The following CELF4 variants were observed in gnomAD, a reference collection of about 807,000 sequenced individuals.
The protein encoded by CELF4 is CUGBP Elav-like family member 4, also known as CUG-BP- and ETR-3-like factor 4.
Under a neutral mutation model 59.9 loss-of-function variants are expected in CELF4, and 18 were observed. The ratio of observed to expected loss-of-function variants is 0.30; its 90% CI spans 0.21 to 0.45. The LOEUF is 0.45. Ranked by LOEUF, CELF4 falls within the 20% of genes least tolerant of loss-of-function variation. The pLI is 1.00. For missense variants in CELF4, 456 were observed against 689.0 expected, an observed-to-expected ratio of 0.66 and a Z score of 3.79; for synonymous variants, 261 against 267.1, an observed-to-expected ratio of 0.98 and a Z score of 0.22.
chr18:37,287,498 C>T (rs765339029), intron 3 of CELF4, among the ~76,000 whole-genome samples: 7 of 152,218 alleles, frequency 4.6e-5, no homozygotes, highest in South Asian at 2.1e-4. Flanking sequence ...GGTCAGCACG[C>T]GGCTTAGCCC....
intron 1 of CELF4, among the ~76,000 whole-genome samples, chr18:37,538,409 C>T (rs928628893): frequency 1.3e-5 from 2 of 152,158 alleles, no homozygotes; most frequent in Non-Finnish European, 2.9e-5. Flanking sequence ...AATCCTCTCC[C>T]GAGCCGTCTT....
chr18:37,269,124 T>C (rs2089866128), intron 8 of CELF4, among the ~76,000 whole-genome samples: 1 of 152,102 alleles, frequency 6.6e-6, no homozygotes, highest in East Asian at 1.9e-4. Context: ...TCCCAGCCCA[T>C]GAGCCTTAGA....
chr18:37,366,433 A>AT (rs2098783977), intron 2 of CELF4, among the ~76,000 whole-genome samples: 2 of 151,942 alleles, frequency 1.3e-5, no homozygotes, highest in South Asian at 4.1e-4. Context: ...CTCCTATTCC[A>AT]TTTTTGCAAG....
At chr18:37,291,199 G>A (rs910272430) in intron 3 of CELF4, among the ~76,000 whole-genome samples, 10 of 152,124 alleles carry the variant, frequency 6.6e-5, no homozygotes, top group East Asian at 1.9e-4. Context: ...ATGAGCCACC[G>A]TGCCTGGCAA....
At chr18:37,276,753 G>A (rs1427878482) in intron 3 of CELF4, among the ~76,000 whole-genome samples, 1 of 152,198 alleles carries the variant, frequency 6.6e-6, no homozygotes, top group Admixed American at 6.5e-5. Context: ...ACACCACTCA[G>A]TTTCGGGCTA....
intron 2 of CELF4, among the ~76,000 whole-genome samples, chr18:37,408,496 G>GAGC (rs869309994): frequency 5.0e-4 from 9 of 18,040 alleles, no homozygotes; most frequent in South Asian, 0.013. Flanking sequence ...TGGTGCCGGG[G>GAGC]GGGGGCGCGG....
At chr18:37,375,603 G>A (rs633849) in intron 2 of CELF4, among the ~76,000 whole-genome samples, 3,454 of 152,244 alleles carry the variant, frequency 0.023, 120 homozygotes, top group African/African-American at 0.078. Flanking sequence ...ACTGCAGAGA[G>A]GGAAACTGAG....
At chr18:37,464,398 T>A (rs2099802237) in intron 2 of CELF4, among the ~76,000 whole-genome samples, 1 of 152,186 alleles carries the variant, frequency 6.6e-6, no homozygotes, top group African/African-American at 2.4e-5. Flanking sequence ...CTCCCATCGA[T>A]GCCTAGCCTC....
chr18:37,528,007 T>A (rs1055278087), intron 1 of CELF4, among the ~76,000 whole-genome samples: 7 of 152,190 alleles, frequency 4.6e-5, no homozygotes, highest in Non-Finnish European at 7.3e-5. Flanking sequence ...TGGTAGATAC[T>A]TAAAATCACA....
chr18:37,492,556 A>G (rs2099909443), intron 1 of CELF4, among the ~76,000 whole-genome samples: 1 of 152,122 alleles, frequency 6.6e-6, no homozygotes, highest in South Asian at 2.1e-4. Flanking sequence ...GTGGGCAAAG[A>G]CAGTCTTCCT....
intron 2 of CELF4, among the ~76,000 whole-genome samples, chr18:37,427,050 A>T (rs1211210538): frequency 1.5e-5 from 2 of 129,118 alleles, no homozygotes; most frequent in Admixed American, 8.0e-5. Flanking sequence ...GGGGGGGGGA[A>T]GCTGGGCACC....
At chr18:37,492,222 C>T (rs976431649) in intron 1 of CELF4, among the ~76,000 whole-genome samples, 4 of 152,104 alleles carry the variant, frequency 2.6e-5, no homozygotes, top group African/African-American at 9.7e-5. Flanking sequence ...TAGCAGGAGG[C>T]CCACTAGCCA....
intron 2 of CELF4, among the ~76,000 whole-genome samples, chr18:37,358,778 G>GTA (rs1353111414): frequency 2.0e-5 from 3 of 152,218 alleles, no homozygotes; most frequent in African/African-American, 7.2e-5. Context: ...CTTGTTCCCT[G>GTA]TGGCCTGACA....
intron 8 of CELF4, among the ~76,000 whole-genome samples, chr18:37,268,477 G>A (rs1428383196): frequency 6.6e-6 from 1 of 152,204 alleles, no homozygotes; most frequent in Admixed American, 6.5e-5. Flanking sequence ...CTTCCTTTGG[G>A]CATACAGTTT....
intron 2 of CELF4, among the ~76,000 whole-genome samples, chr18:37,410,513 C>A (rs1326055166): frequency 6.6e-6 from 1 of 152,236 alleles, no homozygotes; most frequent in Non-Finnish European, 1.5e-5. Context: ...TGACATCATG[C>A]CTGTGTGTTC....
chr18:37,324,782 G>A (rs1051687522), intron 2 of CELF4, among the ~76,000 whole-genome samples: 3 of 152,126 alleles, frequency 2.0e-5, no homozygotes, highest in African/African-American at 2.4e-5. Flanking sequence ...TATACTGATC[G>A]CATTGCTAGA....
At chr18:37,556,861 C>T (rs1766972135) in intron 1 of CELF4, among the ~76,000 whole-genome samples, 1 of 152,138 alleles carries the variant, frequency 6.6e-6, no homozygotes, top group African/African-American at 2.4e-5. Flanking sequence ...TCAAATCTGC[C>T]TAGAATGACT....
intron 1 of CELF4, among the ~76,000 whole-genome samples, chr18:37,497,460 T>G (rs2099926440): frequency 2.0e-5 from 3 of 152,252 alleles, no homozygotes; most frequent in Admixed American, 2.0e-4. Flanking sequence ...AAGACCAGCC[T>G]GACCAATATG....
At chr18:37,500,110 G>C (rs1603642769) in intron 1 of CELF4, among the ~76,000 whole-genome samples, 1 of 152,314 alleles carries the variant, frequency 6.6e-6, no homozygotes, top group Middle Eastern at 3.4e-3. Context: ...GTCAACAGAT[G>C]GAGGTGTGTC....
Sources: gnomAD v4.1 joint callset for allele counts (sites outside exome capture counted in the v4.1 genomes callset) on GRCh38, gnomAD v4.1.1 for gene constraint, MANE v1.5 for transcripts, NCBI Gene and HGNC (gene_info 2026-07-23, HGNC 2026-07-21) for gene names.